Variants in DAB1 observed in about 807,000 individuals in gnomAD.
DAB1 encodes disabled homolog 1.
In DAB1, 15 loss-of-function variants were observed where a neutral mutation model predicts 64.6. That is an observed-to-expected ratio of 0.23 (90% confidence interval 0.16 to 0.36). The LOEUF is 0.36. DAB1 is among the 10% of genes least tolerant of loss of function. DAB1 has a pLI of 1.00. For missense variants in DAB1, 596 were observed against 706.7 expected (o/e 0.84, Z 1.78); for synonymous variants, 235 against 251.9 (o/e 0.93, Z 0.64).
intron 7 of DAB1, among the ~76,000 whole-genome samples, chr1:57,553,442 G>GAAAGAA (rs59263518): frequency 0.2 from 13,939 of 67,996 alleles, 3,208 homozygotes; most frequent in Non-Finnish European, 0.27. Context: ...AAGAAAGAAA[G>GAAAGAA]AGAAAGAAAG....
chr1:57,985,002 A>G (rs944583700), intron 5 of DAB1, among the ~76,000 whole-genome samples: 5 of 151,848 alleles, frequency 3.3e-5, no homozygotes, highest in African/African-American at 1.2e-4. Flanking sequence ...TCCGCCTCCC[A>G]GGTTCAGGTG....
At chr1:58,254,518 T>C (rs1430194493) in intron 4 of DAB1, among the ~76,000 whole-genome samples, 1 of 119,874 alleles carries the variant, frequency 8.3e-6, no homozygotes, top group Non-Finnish European at 1.7e-5. Flanking sequence ...GCATTAGGTA[T>C]ATCTCCCAAT....
At chr1:58,116,128 G>A (rs1038307816) in intron 5 of DAB1, among the ~76,000 whole-genome samples, 3 of 152,136 alleles carry the variant, frequency 2.0e-5, no homozygotes, top group African/African-American at 7.2e-5. Context: ...TTAAATGGAA[G>A]TAGAAGTCTG....
At chr1:57,343,307 C>A (rs550898970) in intron 1 of DAB1, among the ~76,000 whole-genome samples, 1 of 152,128 alleles carries the variant, frequency 6.6e-6, no homozygotes, top group African/African-American at 2.4e-5. Flanking sequence ...TATAGAGCGC[C>A]GATTGGTATA....
At chr1:56,999,426 C>A (rs1645759424) in intron 14 of DAB1, among the ~76,000 whole-genome samples, 2 of 152,144 alleles carry the variant, frequency 1.3e-5, no homozygotes, top group Admixed American at 1.3e-4. Flanking sequence ...GAGAGAGAGA[C>A]CCCAATCTTT....
intron 13 of DAB1, 85 bp from the exon 14 acceptor site, chr1:57,010,875 C>T: frequency 9.4e-7 from 1 of 1,065,542 alleles, no homozygotes; most frequent in Non-Finnish European, 1.3e-6. Context: ...TTTCATGCAG[C>T]ACAATCAGTT....
chr1:57,659,793 A>G (rs1270741570), intron 6 of DAB1, among the ~76,000 whole-genome samples: 2 of 152,014 alleles, frequency 1.3e-5, no homozygotes, highest in Non-Finnish European at 2.9e-5. Context: ...CCTGACCAAC[A>G]TGGTGAAACC....
At chr1:57,322,669 T>A (rs1675816679) in intron 1 of DAB1, among the ~76,000 whole-genome samples, 1 of 152,192 alleles carries the variant, frequency 6.6e-6, no homozygotes, top group African/African-American at 2.4e-5. Context: ...ATGAAACAAT[T>A]ATGCAGTAGG....
intron 7 of DAB1, among the ~76,000 whole-genome samples, chr1:57,511,675 T>A (rs1210267511): frequency 6.6e-6 from 1 of 152,236 alleles, no homozygotes; most frequent in Non-Finnish European, 1.5e-5. Context: ...TTGTTCACTC[T>A]ATATCCCTAA....
intron 1 of DAB1, among the ~76,000 whole-genome samples, chr1:57,877,698 C>G (rs1644073482): frequency 1.2e-5 from 1 of 82,644 alleles, no homozygotes; most frequent in South Asian, 3.4e-4. Context: ...GTAGCTGGGA[C>G]TACAGGCGCC....
intron 1 of DAB1, among the ~76,000 whole-genome samples, chr1:57,299,066 A>T (rs897979538): frequency 6.6e-6 from 1 of 152,252 alleles, no homozygotes; most frequent in African/African-American, 2.4e-5. Context: ...ACTAACACTG[A>T]GAGCATAATA....
chr1:58,091,127 C>T (rs1650633289), intron 5 of DAB1, among the ~76,000 whole-genome samples: 1 of 152,204 alleles, frequency 6.6e-6, no homozygotes, highest in South Asian at 2.1e-4. Context: ...TCCGGCTCCC[C>T]TGCAGGAGTT....
chr1:57,314,347 G>C (rs1373295700), intron 1 of DAB1, among the ~76,000 whole-genome samples: 1 of 152,198 alleles, frequency 6.6e-6, no homozygotes, highest in South Asian at 2.1e-4. Flanking sequence ...AATGTCCCAG[G>C]CTCTGTCAGC....
intron 5 of DAB1, among the ~76,000 whole-genome samples, chr1:58,043,540 A>G (rs1647173020): frequency 6.6e-6 from 1 of 152,200 alleles, no homozygotes; most frequent in African/African-American, 2.4e-5. Context: ...CCCATGACCC[A>G]TGATGTCCTC....
At chr1:58,274,571 AC>A (rs1471300388) in intron 4 of DAB1, among the ~76,000 whole-genome samples, 2 of 144,330 alleles carry the variant, frequency 1.4e-5, no homozygotes, top group Admixed American at 6.9e-5. Context: ...TTACCTAAGC[AC>A]GCCTGGGCAA....
intron 4 of DAB1, among the ~76,000 whole-genome samples, chr1:57,121,035 G>A (rs1656590059): frequency 6.6e-6 from 1 of 151,852 alleles, no homozygotes; most frequent in Non-Finnish European, 1.5e-5. Flanking sequence ...GAGTCAGCCA[G>A]ATAAAGGAAG....
chr1:58,255,300 A>G (rs1409480351), intron 4 of DAB1, among the ~76,000 whole-genome samples: 1 of 152,016 alleles, frequency 6.6e-6, no homozygotes, highest in East Asian at 1.9e-4. Context: ...TCTGGATATT[A>G]GCCCGGCAAA....
At chr1:57,609,441 A>G (rs770197967) in intron 7 of DAB1, among the ~76,000 whole-genome samples, 2 of 152,224 alleles carry the variant, frequency 1.3e-5, no homozygotes, top group Non-Finnish European at 2.9e-5. Flanking sequence ...CATTTTATAT[A>G]AGGACTTTGA....
At chr1:58,200,965 G>C (rs993617596) in intron 4 of DAB1, among the ~76,000 whole-genome samples, 1 of 151,666 alleles carries the variant, frequency 6.6e-6, no homozygotes, top group Non-Finnish European at 1.5e-5. Flanking sequence ...TAGAGGTATG[G>C]ACTTCCTCAG....
Sources: allele counts gnomAD v4.1 joint callset (sites outside exome capture counted in the v4.1 genomes callset), GRCh38; gene constraint gnomAD v4.1.1; transcripts MANE v1.5; gene names NCBI Gene and HGNC (gene_info 2026-07-23, HGNC 2026-07-21).